The following SYN3 variants were observed in gnomAD, a reference collection of about 807,000 sequenced individuals.
SYN3 encodes synapsin-3.
In SYN3, 35 loss-of-function variants were observed where a neutral mutation model predicts 65.8. That is an observed-to-expected ratio of 0.53 (90% CI 0.41 to 0.70). The LOEUF is 0.70. Ranked by LOEUF, SYN3 falls within the 30% of genes least tolerant of loss-of-function variation. The pLI is 0.00. For synonymous variants in SYN3, 270 were observed against 292.9 expected (o/e 0.92, Z 0.80); for missense variants, 680 against 749.0 (o/e 0.91, Z 1.08).
intron 4 of SYN3, among the ~76,000 whole-genome samples, chr22:32,883,345 A>G (rs2049195269): frequency 1.3e-5 from 2 of 152,342 alleles, no homozygotes; most frequent in African/African-American, 4.8e-5. Flanking sequence ...GATGGCTTCC[A>G]GCTCAGTCGG....
At chr22:32,896,574 A>G (rs2049599473) in intron 4 of SYN3, among the ~76,000 whole-genome samples, 1 of 152,238 alleles carries the variant, frequency 6.6e-6, no homozygotes. Context: ...AACTATAATA[A>G]TATGTTAGTC....
At chr22:32,591,968 C>T (rs138611381) in intron 7 of SYN3, among the ~76,000 whole-genome samples, 23 of 152,270 alleles carry the variant, frequency 1.5e-4, no homozygotes, top group South Asian at 1.2e-3. Flanking sequence ...TCCATTATCA[C>T]GGAATGTTCA....
At chr22:32,996,189 C>T (rs1403473625) in intron 2 of SYN3, among the ~76,000 whole-genome samples, 3 of 152,154 alleles carry the variant, frequency 2.0e-5, no homozygotes, top group African/African-American at 7.2e-5. Context: ...CTATCCCAGC[C>T]TCCCGTCCAT....
At chr22:32,645,713 C>T (rs1395338685) in intron 6 of SYN3, among the ~76,000 whole-genome samples, 2 of 152,136 alleles carry the variant, frequency 1.3e-5, no homozygotes. Context: ...CTGCTCCCTG[C>T]CCTCTGCTTT....
chr22:32,945,245 G>A (rs2051070055), intron 3 of SYN3, among the ~76,000 whole-genome samples: 1 of 152,152 alleles, frequency 6.6e-6, no homozygotes, highest in African/African-American at 2.4e-5. Context: ...ACAATCCTAA[G>A]CGAAAGAACA....
chr22:33,034,547 G>A (rs982449162), intron 1 of SYN3, among the ~76,000 whole-genome samples: 1 of 151,984 alleles, frequency 6.6e-6, no homozygotes, highest in Non-Finnish European at 1.5e-5. Flanking sequence ...CGCTCGGCCA[G>A]TATGTACTAC....
chr22:32,826,855 A>G (rs1467236265), intron 6 of SYN3, among the ~76,000 whole-genome samples: 1 of 152,128 alleles, frequency 6.6e-6, no homozygotes, highest in African/African-American at 2.4e-5. Flanking sequence ...CTGCTCTCCC[A>G]CTTGATCCCT....
intron 6 of SYN3, among the ~76,000 whole-genome samples, chr22:32,769,906 C>T (rs920799901): frequency 6.6e-6 from 1 of 152,304 alleles, no homozygotes; most frequent in East Asian, 1.9e-4. Context: ...AGTCTCATGA[C>T]TAAATATCAT....
At chr22:32,899,579 T>C (rs941637944) in intron 4 of SYN3, among the ~76,000 whole-genome samples, 4 of 152,212 alleles carry the variant, frequency 2.6e-5, no homozygotes, top group Non-Finnish European at 4.4e-5. Flanking sequence ...ATCTAGAGCA[T>C]TTCTGAATTC....
chr22:32,971,696 C>A (rs1438934651), intron 3 of SYN3, among the ~76,000 whole-genome samples: 1 of 152,106 alleles, frequency 6.6e-6, no homozygotes, highest in Non-Finnish European at 1.5e-5. Context: ...TTCTATGTGA[C>A]CTCTATGGAA....
intron 2 of SYN3, among the ~76,000 whole-genome samples, chr22:33,005,764 C>T (rs2053179570): frequency 6.6e-6 from 1 of 152,210 alleles, no homozygotes; most frequent in South Asian, 2.1e-4. Flanking sequence ...GGGATAAGGA[C>T]TGTGGACTTG....
chr22:33,047,028 AACTC>A (rs2054077714), intron 1 of SYN3, among the ~76,000 whole-genome samples: 1 of 151,632 alleles, frequency 6.6e-6, no homozygotes, highest in Non-Finnish European at 1.5e-5. Flanking sequence ...GTATTTCCAA[AACTC>A]ACTCCCAAAC....
chr22:32,793,396 A>C (rs2145889234), intron 6 of SYN3, among the ~76,000 whole-genome samples: 1 of 152,316 alleles, frequency 6.6e-6, no homozygotes, highest in African/African-American at 2.4e-5. Context: ...CTTGTGTCTT[A>C]CCATAATCTG....
Position 33,016,137 on chromosome 22 carries a change from C to T in SYN3, c.-162-9313G>A, listed in dbSNP as rs537544894. Among the ~76,000 whole-genome samples the T allele has an allele frequency of 1.5e-4, 23 of 152,298 alleles. No individual in the cohort carries two copies. In the East Asian group the frequency reaches 2.1e-3, roughly 14 times the overall value. On this transcript the variant is annotated intron_variant, in intron 1 of 13. Coordinates refer to ENST00000358763, the MANE Select transcript of SYN3 (RefSeq NM_003490.4). ...CTGGGATTACAGGCGTGAGCCACCG[C>T]GCCCAGCCACAAAATAATTTCTTAC...
intron 6 of SYN3, among the ~76,000 whole-genome samples, chr22:32,731,489 T>C (rs2147341942): frequency 6.6e-6 from 1 of 152,328 alleles, no homozygotes; most frequent in South Asian, 2.1e-4. Context: ...CTCTGAAAGA[T>C]ACAGCTTCAT....
intron 4 of SYN3, among the ~76,000 whole-genome samples, chr22:32,876,439 T>C (rs1019478251): frequency 2.0e-5 from 3 of 152,196 alleles, no homozygotes; most frequent in Admixed American, 6.5e-5. Context: ...TAAATCATGT[T>C]CATATTTACA....
intron 3 of SYN3, among the ~76,000 whole-genome samples, chr22:32,959,026 C>G (rs1244600959): frequency 1.3e-5 from 2 of 152,074 alleles, no homozygotes; most frequent in Non-Finnish European, 2.9e-5. Context: ...AACCCCATCT[C>G]TACTAAAAAT....
intron 2 of SYN3, among the ~76,000 whole-genome samples, chr22:32,981,984 G>A (rs575984361): frequency 6.6e-6 from 1 of 152,280 alleles, no homozygotes; most frequent in African/African-American, 2.4e-5. Flanking sequence ...AAAGAATGAT[G>A]ATTGCTAGAA....
At chr22:33,042,722 G>A (rs1473367022) in intron 1 of SYN3, among the ~76,000 whole-genome samples, 1 of 152,138 alleles carries the variant, frequency 6.6e-6, no homozygotes, top group African/African-American at 2.4e-5. Context: ...GACGATCCTG[G>A]AGCCCCCCGC....
Sources: gnomAD v4.1 joint callset for allele counts (sites outside exome capture counted in the v4.1 genomes callset) on GRCh38, gnomAD v4.1.1 for gene constraint, MANE v1.5 for transcripts, NCBI Gene and HGNC (gene_info 2026-07-23, HGNC 2026-07-21) for gene names.